Variants in CDH8 observed in about 807,000 individuals in gnomAD.
The protein encoded by CDH8 is cadherin-8.
A neutral mutation model predicts 68.1 loss-of-function variants in CDH8; 17 were observed. That is an observed-to-expected ratio of 0.25 (90% CI 0.17 to 0.37). The LOEUF (loss-of-function observed/expected upper bound fraction) is 0.37. Among genes scored for constraint, CDH8 ranks in the 10% least tolerant of loss-of-function variants. The pLI is 1.00. For synonymous variants in CDH8, 372 were observed against 365.1 expected, an observed-to-expected ratio of 1.02 and a Z score of -0.21; for missense variants, 763 against 999.3, an observed-to-expected ratio of 0.76 and a Z score of 3.19.
chr16:61,902,679 G>A (rs1025204205), intron 2 of CDH8, among the ~76,000 whole-genome samples: 10 of 150,920 alleles, frequency 6.6e-5, no homozygotes, highest in East Asian at 3.9e-4. Flanking sequence ...CCTCTTTCAC[G>A]TTCTTCAACA....
intron 10 of CDH8, chr16:61,667,531 G>A (rs996433691): frequency 1.3e-5 from 2 of 151,940 alleles, no homozygotes; most frequent in African/African-American, 4.8e-5. Flanking sequence ...AGAGTGGGCT[G>A]TGCTATTCAC....
intron 3 of CDH8, among the ~76,000 whole-genome samples, chr16:61,869,176 T>C (rs1963311365): frequency 1.3e-5 from 2 of 152,166 alleles, no homozygotes. Flanking sequence ...ACACTATATA[T>C]GTTTCTCAAT....
At chr16:61,856,020 A>G (rs72798755) in intron 4 of CDH8, among the ~76,000 whole-genome samples, 12,161 of 152,122 alleles carry the variant, frequency 0.08, 580 homozygotes, top group African/African-American at 0.11. Context: ...TGACCTATTT[A>G]TATATAAATG....
intron 2 of CDH8, among the ~76,000 whole-genome samples, chr16:61,945,992 G>A (rs944162425): frequency 6.6e-6 from 1 of 152,156 alleles, no homozygotes; most frequent in African/African-American, 2.4e-5. Context: ...ATTTTAATGA[G>A]TCACAGGCAG....
At chr16:61,799,137 C>T (rs1295487439) in intron 7 of CDH8, among the ~76,000 whole-genome samples, 3 of 152,276 alleles carry the variant, frequency 2.0e-5, no homozygotes, top group Non-Finnish European at 4.4e-5. Context: ...CACAGGTCCA[C>T]ATTGACCCAG....
At chr16:61,782,491 A>G (rs1961098636) in intron 8 of CDH8, among the ~76,000 whole-genome samples, 1 of 152,072 alleles carries the variant, frequency 6.6e-6, no homozygotes, top group Admixed American at 6.5e-5. Flanking sequence ...TCAAACTGCA[A>G]GGCAGCAGCG....
intron 2 of CDH8, among the ~76,000 whole-genome samples, chr16:61,984,552 G>A (rs959162922): frequency 2.0e-5 from 3 of 151,532 alleles, no homozygotes; most frequent in African/African-American, 4.8e-5. Context: ...CAGCCTCCAG[G>A]TAGCTAGGAT....
At position 61,879,716 on chromosome 16, in the gene CDH8, T is replaced by A. The variant is rs185052156; in HGVS notation, c.547+21463A>T. Among the ~76,000 whole-genome samples the A allele has an allele frequency of 7.2e-5, 11 of 152,244 alleles. No individual in the cohort carries two copies. The East Asian group carries it at 1.2e-3, about 16-fold the overall frequency. ...TTTTCTTAGTTCTACCCTCCTTTCA[T>A]CTACTACATATTTGCTGAGATGTCT... On this transcript the variant is annotated intron_variant, in intron 3 of 11. Transcript: ENST00000577390.
intron 2 of CDH8, among the ~76,000 whole-genome samples, chr16:61,950,985 C>A (rs552710879): frequency 7.9e-5 from 12 of 151,994 alleles, no homozygotes; most frequent in Middle Eastern, 6.8e-3. Flanking sequence ...CATACAACAA[C>A]CCCCCATGAC....
Position 61,653,917 on chromosome 16 carries a change from A to G in CDH8, c.2091T>C (p.Arg697=), listed in dbSNP as rs954681014. ...ACTGCAAATCTGGTTTAATATCCTTACGGGGTAAAAATCCATTAATTCCAT... is the reference window on the plus strand; with the variant it reads ...ACTGCAAATCTGGTTTAATATCCTTGCGGGGTAAAAATCCATTAATTCCAT... The part of the protein sequence containing the change: ...NPDGINGFLP[R]KDIKPDLQFM... Residue 697 remains arginine, a synonymous_variant, in exon 12 of 12, where the codon CGT becomes CGC. Coordinates refer to ENST00000577390, the MANE Select transcript of CDH8 (RefSeq NM_001796.5). 6.2e-7 allele frequency: 1 copy of G among 1,614,068 alleles called. No individual in the cohort carries two copies. Among genetic ancestry groups the G allele is most frequent in the Non-Finnish European group, 8.5e-7 (1 of 1,180,048 alleles).
At chr16:61,887,235 A>G (rs1245764744) in intron 3 of CDH8, among the ~76,000 whole-genome samples, 1 of 152,168 alleles carries the variant, frequency 6.6e-6, no homozygotes, top group Non-Finnish European at 1.5e-5. Flanking sequence ...TTTAGTAAAC[A>G]GATTGTCCAT....
chr16:61,674,320 G>A (rs1397663278), intron 10 of CDH8, among the ~76,000 whole-genome samples: 2 of 151,938 alleles, frequency 1.3e-5, no homozygotes, highest in East Asian at 3.9e-4. Flanking sequence ...TGGGCGTGGT[G>A]GTGAGTGCCT....
intron 2 of CDH8, among the ~76,000 whole-genome samples, chr16:61,992,077 T>TGTGTGTGTGTGTGTGTGTGTGAGA (rs34925928): frequency 1.3e-3 from 185 of 144,234 alleles, no homozygotes; most frequent in African/African-American, 4.6e-3. Flanking sequence ...TGTGTGTGTG[T>TGTGTGTGTGTGTGTGTGTGTGAGA]GAGAGAGAGA....
chr16:61,837,400 A>G (rs935464756), intron 4 of CDH8, among the ~76,000 whole-genome samples: 1 of 152,094 alleles, frequency 6.6e-6, no homozygotes, highest in African/African-American at 2.4e-5. Flanking sequence ...TGGCACATAA[A>G]ATCTTGGGTT....
At chr16:61,909,963 C>T (rs114743588) in intron 2 of CDH8, among the ~76,000 whole-genome samples, 110 of 152,224 alleles carry the variant, frequency 7.2e-4, no homozygotes, top group African/African-American at 2.5e-3. Context: ...CGCAGTTTTA[C>T]GGGTTTGGAA....
At chr16:61,765,710 T>C (rs550586418) in intron 8 of CDH8, among the ~76,000 whole-genome samples, 1 of 152,018 alleles carries the variant, frequency 6.6e-6, no homozygotes, top group Non-Finnish European at 1.5e-5. Flanking sequence ...CACAGTACAA[T>C]AATAGACCCG....
chr16:62,014,832 A>T (rs1567569215), intron 2 of CDH8, among the ~76,000 whole-genome samples: 1 of 152,214 alleles, frequency 6.6e-6, no homozygotes, highest in African/African-American at 2.4e-5. Context: ...AAGGGAGGAA[A>T]GAGAGCAGAG....
In CDH8 at chr16:61,652,877, G is replaced by A. The variant is rs1445823712; in HGVS notation, c.*731C>T. The A allele has an allele frequency of 6.6e-7, 1 of 1,524,640 alleles. No individual in the cohort carries two copies. The highest frequency in any genetic ancestry group is 8.8e-7 in the Non-Finnish European group (1 of 1,141,418). The allele number at this position is 1,524,640 out of a possible 1,614,324, so 94.4% of individuals were successfully genotyped here. ...TGTCCTTGTGGAAGAAGATGAAGAGGAGGGAACGAGGAATCCTGCTTCTAG... is the reference window on the plus strand; with the variant it reads ...TGTCCTTGTGGAAGAAGATGAAGAGAAGGGAACGAGGAATCCTGCTTCTAG... On this transcript the variant is annotated 3_prime_UTR_variant, in exon 12 of 12. Transcript: ENST00000577390.
chr16:61,845,742 T>C (rs2143010021), intron 4 of CDH8, among the ~76,000 whole-genome samples: 1 of 152,210 alleles, frequency 6.6e-6, no homozygotes, highest in African/African-American at 2.4e-5. Flanking sequence ...TAAATCACTT[T>C]TCTAGCTTCT....
Sources: allele counts gnomAD v4.1 joint callset (sites outside exome capture counted in the v4.1 genomes callset), GRCh38; gene constraint gnomAD v4.1.1; transcripts MANE v1.5; gene names NCBI Gene and HGNC (gene_info 2026-07-23, HGNC 2026-07-21).